The following ADD2 variants were observed in gnomAD, a reference collection of about 807,000 sequenced individuals.
ADD2 encodes the protein adducin 2.
ADD2 carries 23 observed loss-of-function variants against 83.0 expected under a neutral mutation model. The observed-to-expected ratio is 0.28, with a 90% CI of 0.20 to 0.39. The LOEUF (loss-of-function observed/expected upper bound fraction) is 0.39. Among genes scored for constraint, ADD2 ranks in the 10% least tolerant of loss-of-function variants. The pLI, the probability that ADD2 is intolerant of heterozygous loss-of-function variation, is 1.00. For missense variants in ADD2, 758 were observed against 944.9 expected (o/e 0.80, Z 2.59); for synonymous variants, 375 against 375.4 (o/e 1.00, Z 0.01).
chr2:70,753,175 T>G (rs1252634320), intron 1 of ADD2, among the ~76,000 whole-genome samples: 1 of 152,164 alleles, frequency 6.6e-6, no homozygotes, highest in Non-Finnish European at 1.5e-5. Flanking sequence ...AAGGGCAGTA[T>G]TCCAGGCCAG....
chr2:70,706,365 G>T lies in ADD2; in HGVS notation c.44C>A (p.Pro15Gln), dbSNP rs1394466370. 1.2e-6 allele frequency: 2 copies of T among 1,611,898 alleles called. No homozygotes were observed. The highest frequency in any genetic ancestry group is 1.1e-5 in the South Asian group (1 of 90,938). The change falls in exon 3 of 16, where the codon CCG (proline) becomes CAG (glutamine). Residue 15 changes from proline to glutamine, a missense_variant. Coordinates refer to ENST00000264436, the MANE Select transcript of ADD2 (RefSeq NM_001617.4). This position sits in a 1 kb window ranked among gnomAD's most constrained non-coding sequence, Gnocchi z 5.0. ...TVPEAASPPP[P>Q]QGQPYFDRFS... ...GCGGTCAAAGTAAGGCTGCCCCTGC[G>T]GGGGCGGCGGCGAGGCAGCCTCGGG...
chr2:70,749,646 T>C (rs868906642), intron 1 of ADD2, among the ~76,000 whole-genome samples: 11 of 152,216 alleles, frequency 7.2e-5, no homozygotes, highest in African/African-American at 1.9e-4. Flanking sequence ...TCTGGGAATT[T>C]CTGAGAAAGT....
chr2:70,674,636 CTGGGGGACTTG>C (rs782651730), intron 14 of ADD2, 31 bp downstream of exon 14: 1 of 1,594,468 alleles, frequency 6.3e-7, no homozygotes, highest in Non-Finnish European at 8.5e-7. Context: ...CCCCTCCACC[CTGGGGGACTTG>C]GAAGCAAGGG....
At position 70,768,087 on chromosome 2, in the gene ADD2, G is replaced by T. The variant is rs1675504404; in HGVS notation, c.-355C>A. 9 of 1,015,210 alleles carry T rather than the reference G, an allele frequency of 8.9e-6. No homozygotes were observed. The highest frequency in any genetic ancestry group is 1.6e-5 in the South Asian group (1 of 60,646). 62.9% of individuals were successfully genotyped at this position (1,015,210 alleles called of 1,614,324 possible). A position where few individuals can be genotyped will look rare whatever the true frequency, so the allele number is the denominator to read the frequency against. ...GCAGCGGCTCCGCGGCGGCGGGGAT[G>T]ACTGGCCACCGACGCCGCAGTTCCT... On this transcript the variant is annotated 5_prime_UTR_variant, in exon 1 of 16. Transcript: ENST00000264436.
In ADD2 at chr2:70,689,316, C is replaced by T. The variant is rs577109445; in HGVS notation, c.850-1194G>A. On this transcript the variant is annotated intron_variant, in intron 8 of 15. Coordinates refer to ENST00000264436, the MANE Select transcript of ADD2 (RefSeq NM_001617.4). Reference sequence around the variant, plus strand: ...TCTTCGTTGGTTTTACTCTCAAGAACTCTCTGGAACCAGATGACACCAGCC... The same window carrying T: ...TCTTCGTTGGTTTTACTCTCAAGAATTCTCTGGAACCAGATGACACCAGCC... Among the ~76,000 whole-genome samples, 12 of 152,342 alleles carry T rather than the reference C, an allele frequency of 7.9e-5. No individual in the cohort carries two copies. The East Asian group carries it at 2.1e-3, about 27-fold the overall frequency.
intron 8 of ADD2, 93 bp from the exon 9 acceptor site, chr2:70,688,215 C>T (rs7340146): frequency 0.26 from 256,881 of 978,596 alleles, 35,062 homozygotes; most frequent in East Asian, 0.39. Flanking sequence ...TCAACTTCCA[C>T]AACCAATCCC....
At chr2:70,733,044 T>C (rs1673361984) in intron 1 of ADD2, among the ~76,000 whole-genome samples, 1 of 152,244 alleles carries the variant, frequency 6.6e-6, no homozygotes, top group Non-Finnish European at 1.5e-5. Context: ...TCTCTCACAG[T>C]TTCCCATCTA....
Position 70,663,523 on chromosome 2 carries a change from C to G in ADD2, c.2083G>C (p.Glu695Gln). ...GAGGGAGACTTGGAAGGTGAGCCCT[C>G]TGGGGACATGGGGCCGCTGGTGACC... is the stretch of plus-strand genomic sequence containing the variant. ...ESVTSGPMSPEGSPSKSPSKK... is the reference protein window; with the variant it reads ...ESVTSGPMSPQGSPSKSPSKK... Residue 695 changes from glutamate to glutamine, a missense_variant, in exon 16 of 16, where the codon GAG becomes CAG. Coordinates refer to ENST00000264436, the MANE Select transcript of ADD2 (RefSeq NM_001617.4). 1.2e-6 allele frequency: 2 copies of G among 1,614,102 alleles called. No homozygotes were observed. The highest frequency in any genetic ancestry group is 1.7e-6 in the Non-Finnish European group (2 of 1,180,002).
At chr2:70,680,408 G>A (rs922937791) in intron 10 of ADD2, among the ~76,000 whole-genome samples, 4 of 152,116 alleles carry the variant, frequency 2.6e-5, no homozygotes, top group Admixed American at 2.0e-4. Flanking sequence ...CTAGTGCCAC[G>A]CCATTTAGTT....
At chr2:70,707,710 G>T (rs1671975288) in intron 2 of ADD2, among the ~76,000 whole-genome samples, 1 of 152,230 alleles carries the variant, frequency 6.6e-6, no homozygotes, top group East Asian at 1.9e-4. Flanking sequence ...TACTTTGGCT[G>T]AACAATAATT....
At chr2:70,691,701 A>C (rs1433889071) in intron 7 of ADD2, 1 of 152,116 alleles carries the variant, frequency 6.6e-6, no homozygotes, top group Admixed American at 6.6e-5. Context: ...CATGCTCAGC[A>C]CAAATACATC....
chr2:70,717,345 C>T (rs1006667809), intron 1 of ADD2, among the ~76,000 whole-genome samples: 18 of 152,166 alleles, frequency 1.2e-4, no homozygotes, highest in Admixed American at 6.5e-5. Context: ...AACAAAAGGT[C>T]TACAAGGGGA....
In ADD2 at chr2:70,688,087, C is replaced by A. The variant is rs781807374; in HGVS notation, c.885G>T (p.Leu295=). The A allele has an allele frequency of 6.2e-7, 1 of 1,614,048 alleles. No homozygotes were observed. The highest frequency in any genetic ancestry group is 1.3e-5 in the African/African-American group (1 of 74,922). The stretch of plus-strand genomic sequence containing the variant: ...AAAATGCCTCCTCTACCGTGTCACC[C>A]AGAGCAACCACTCCATGGTTTCTTA... ...LVLRNHGVVA[L]GDTVEEAFYK... is the part of the protein sequence containing the mutation. The change falls in exon 9 of 16, where the codon CTG becomes CTT. Residue 295 remains leucine, a synonymous_variant. Transcript: ENST00000264436.
chr2:70,673,320 C>A, intron 14 of ADD2: 1 of 1,614,042 alleles, frequency 6.2e-7, no homozygotes, highest in Non-Finnish European at 8.5e-7. Context: ...TCGTTCCTGT[C>A]CTGTCTCTGA....
chr2:70,676,719 T>A lies in ADD2; in HGVS notation c.1593+77A>T. The stretch of plus-strand genomic sequence containing the variant: ...GGTGGGTATGAGGACTCAGGGGTCC[T>A]GCAACCCAGCCCCAGGCACAGAAGA... On this transcript the variant is annotated intron_variant, in intron 13 of 15. Coordinates refer to ENST00000264436, the MANE Select transcript of ADD2 (RefSeq NM_001617.4). The surrounding 1 kb of genome is among the most constrained non-coding windows in gnomAD (Gnocchi z 4.8). The A allele has an allele frequency of 6.3e-7, 1 of 1,596,900 alleles. No homozygotes were observed. The highest frequency in any genetic ancestry group is 1.7e-5 in the Admixed American group (1 of 57,250).
At chr2:70,716,459 C>T (rs1462412012) in intron 1 of ADD2, among the ~76,000 whole-genome samples, 8 of 152,066 alleles carry the variant, frequency 5.3e-5, no homozygotes, top group Admixed American at 2.0e-4. Flanking sequence ...GGCAGCCTGC[C>T]CCCTACACCC....
At chr2:70,704,589 AC>A in intron 3 of ADD2, 130 bp from the exon 4 acceptor site, 1 of 1,024,226 alleles carries the variant, frequency 9.8e-7, no homozygotes, top group Non-Finnish European at 1.4e-6. Context: ...GTCCCCAGCT[AC>A]AGGGGACACT....
At chr2:70,758,020 G>A (rs1401367812) in intron 1 of ADD2, among the ~76,000 whole-genome samples, 1 of 152,148 alleles carries the variant, frequency 6.6e-6, no homozygotes, top group Non-Finnish European at 1.5e-5. Flanking sequence ...AATTACCGAA[G>A]GAACGTAAAA....
intron 1 of ADD2, among the ~76,000 whole-genome samples, chr2:70,713,989 C>T (rs1553375927): frequency 6.6e-6 from 1 of 151,804 alleles, no homozygotes; most frequent in East Asian, 2.0e-4. Context: ...GAATTCAAGG[C>T]CATTTCACCC....
Sources: allele counts gnomAD v4.1 joint callset (sites outside exome capture counted in the v4.1 genomes callset), GRCh38; gene constraint gnomAD v4.1.1; non-coding constraint Gnocchi (gnomAD v3.1); transcripts MANE v1.5; gene names NCBI Gene and HGNC (gene_info 2026-07-23, HGNC 2026-07-21).